The following SNU13 variants were observed in gnomAD, a reference collection of about 807,000 sequenced individuals.
SNU13 encodes NHP2-like protein 1.
Under a neutral mutation model 12.4 loss-of-function variants are expected in SNU13, and 2 were observed. The ratio of observed to expected loss-of-function variants is 0.16; its 90% CI spans 0.07 to 0.51. SNU13 has a LOEUF of 0.51. SNU13 is among the 20% of genes least tolerant of loss of function. The probability of loss-of-function intolerance (pLI) is 0.96; values close to 1 mark genes in which losing one functional copy is unlikely to be tolerated. For synonymous variants in SNU13, 68 were observed against 66.5 expected (o/e 1.02, Z -0.11); for missense variants, 66 against 157.8 (o/e 0.42, Z 3.12).
intron 1 of SNU13, chr22:41,687,905 A>T (rs1447773695): frequency 1.3e-5 from 2 of 152,184 alleles, no homozygotes; most frequent in Non-Finnish European, 2.9e-5. Flanking sequence ...TGGAAGCTTC[A>T]AGTTCTAGGC....
At chr22:41,688,667 C>T in intron 1 of SNU13, 127 bp downstream of exon 1, 1 of 1,338,576 alleles carries the variant, frequency 7.5e-7, no homozygotes, top group East Asian at 2.5e-5. Flanking sequence ...ACTAAGGGCC[C>T]GGCGGTTAAG....
At position 41,674,132 on chromosome 22, in the gene SNU13, A is replaced by G. The variant is rs1601566792; in HGVS notation, c.*801T>C. On this transcript the variant is annotated 3_prime_UTR_variant, in exon 3 of 3. Transcript: ENST00000401959. The stretch of plus-strand genomic sequence containing the variant: ...ACAGGCTGTTTCCTTGGACTCCACC[A>G]TCTCTGTTACAGCTACCAGCCAGGT... The G allele has an allele frequency of 2.6e-5, 4 of 152,324 alleles. No homozygotes were observed. The highest frequency in any genetic ancestry group is 1.3e-4 in the Admixed American group (2 of 15,262). 9.4% of individuals were successfully genotyped at this position (152,324 alleles called of 1,614,324 possible).
intron 1 of SNU13, among the ~76,000 whole-genome samples, chr22:41,681,910 T>C (rs994175516): frequency 6.6e-6 from 1 of 152,094 alleles, no homozygotes; most frequent in Non-Finnish European, 1.5e-5. Context: ...GTAGGGAGCA[T>C]ATTGGGTGAG....
chr22:41,681,641 T>C (rs1412158121), intron 1 of SNU13: 1 of 152,298 alleles, frequency 6.6e-6, no homozygotes, highest in African/African-American at 2.4e-5. Flanking sequence ...TTTGCAGTTA[T>C]GTTAAAAATT....
chr22:41,682,698 A>T, intron 1 of SNU13: 4 of 582,300 alleles, frequency 6.9e-6, no homozygotes, highest in Non-Finnish European at 1.0e-5. Flanking sequence ...TTATTTATTT[A>T]GAGACGGAGT....
At position 41,680,404 on chromosome 22, in the gene SNU13, G is replaced by T. The variant is rs371403664; in HGVS notation, c.4-40C>A. The T allele has an allele frequency of 6.9e-6, 11 of 1,587,656 alleles. No homozygotes were observed. The South Asian group carries it at 1.1e-4, about 16-fold the overall frequency. On this transcript the variant is annotated intron_variant, in intron 1 of 2. Coordinates refer to ENST00000401959, the MANE Select transcript of SNU13 (RefSeq NM_001003796.2). ...TAAAAATATCAGACAAATTGAGCCA[G>T]AAGTTTTCCTACCTGAGTCACAAAA... is the stretch of plus-strand genomic sequence containing the variant.
intron 1 of SNU13, among the ~76,000 whole-genome samples, chr22:41,680,692 T>C (rs1601572199): frequency 6.6e-6 from 1 of 152,218 alleles, no homozygotes; most frequent in East Asian, 1.9e-4. Flanking sequence ...CCATGGCTAA[T>C]CCATTTCTGT....
At chr22:41,678,974 G>C (rs1318315578) in intron 2 of SNU13, among the ~76,000 whole-genome samples, 2 of 152,210 alleles carry the variant, frequency 1.3e-5, no homozygotes, top group African/African-American at 2.4e-5. Context: ...GAGTATTCTG[G>C]CTGGGCATGG....
At chr22:41,680,220 C>T in intron 2 of SNU13, 24 bp downstream of exon 2, 3 of 1,602,978 alleles carry the variant, frequency 1.9e-6, no homozygotes, top group Non-Finnish European at 2.6e-6. Flanking sequence ...AACATTCCCC[C>T]AGAGCATCCT....
chr22:41,688,767 G>T (rs370244196), intron 1 of SNU13, 27 bp downstream of exon 1: 18 of 1,597,784 alleles, frequency 1.1e-5, no homozygotes, highest in East Asian at 9.0e-5. Context: ...CCCGCTTCCC[G>T]GTCCCTCGGC....
At chr22:41,681,788 T>G (rs1032610106) in intron 1 of SNU13, among the ~76,000 whole-genome samples, 3 of 152,172 alleles carry the variant, frequency 2.0e-5, no homozygotes, top group African/African-American at 7.2e-5. Context: ...TGACGCAGAA[T>G]AGCTTGAACC....
At chr22:41,680,406 A>G (rs2285125) in intron 1 of SNU13, 42 bp from the exon 2 acceptor site, 1 of 1,587,508 alleles carries the variant, frequency 6.3e-7, no homozygotes, top group South Asian at 1.1e-5. Flanking sequence ...TTGAGCCAGA[A>G]GTTTTCCTAC....
At chr22:41,675,500 C>T (rs1239996386) in intron 2 of SNU13, among the ~76,000 whole-genome samples, 1 of 151,930 alleles carries the variant, frequency 6.6e-6, no homozygotes, top group Non-Finnish European at 1.5e-5. Flanking sequence ...TGGCTCACTT[C>T]AACCTCCGCT....
At position 41,688,864 on chromosome 22, in the gene SNU13, A is replaced by C; in HGVS notation, c.-68T>G. The C allele has an allele frequency of 6.5e-7, 1 of 1,528,572 alleles. No individual in the cohort carries two copies. Among genetic ancestry groups the C allele is most frequent in the Non-Finnish European group, 8.9e-7 (1 of 1,129,172 alleles). The allele number at this position is 1,528,572 out of a possible 1,614,324, so 94.7% of individuals were successfully genotyped here. ...TGACGTTTCAGAAGCACTCGCGTGCACCGGAAAAACTCACAGAAGCAGCAG... is the reference window on the plus strand; with the variant it reads ...TGACGTTTCAGAAGCACTCGCGTGCCCCGGAAAAACTCACAGAAGCAGCAG... On this transcript the variant is annotated 5_prime_UTR_variant, in exon 1 of 3. Coordinates refer to ENST00000401959, the MANE Select transcript of SNU13 (RefSeq NM_001003796.2).
intron 2 of SNU13, among the ~76,000 whole-genome samples, chr22:41,676,529 T>G (rs2068215929): frequency 1.4e-5 from 1 of 70,414 alleles, no homozygotes; most frequent in Non-Finnish European, 4.0e-5. Context: ...TTTAACCTAA[T>G]TCTTTTTTTT....
At position 41,688,829 on chromosome 22, in the gene SNU13, G is replaced by T. The variant is rs745722505; in HGVS notation, c.-33C>A. 1.9e-6 allele frequency: 3 copies of T among 1,578,656 alleles called. No individual in the cohort carries two copies. The highest frequency in any genetic ancestry group is 2.6e-6 in the Non-Finnish European group (3 of 1,155,358). ...GTTCCGCGGGCTCAGCACTCCTAGG[G>T]GAGCGCAGCTGACGTTTCAGAAGCA... On this transcript the variant is annotated 5_prime_UTR_variant, in exon 1 of 3. Transcript: ENST00000401959.
At chr22:41,688,910 A>C (rs1035072505), upstream of SNU13, 4 of 1,464,798 alleles carry the variant, frequency 2.7e-6, no homozygotes, top group Non-Finnish European at 3.6e-6. Flanking sequence ...CCCGCGCGGC[A>C]GGAAGCGAAG....
At chr22:41,687,150 G>C (rs1025051678) in intron 1 of SNU13, among the ~76,000 whole-genome samples, 1 of 150,156 alleles carries the variant, frequency 6.7e-6, no homozygotes, top group African/African-American at 2.5e-5. Context: ...GTAGAAACAG[G>C]GTTTCACTAT....
chr22:41,689,487 G>T (rs974444446), upstream of SNU13, among the ~76,000 whole-genome samples: 1 of 144,352 alleles, frequency 6.9e-6, no homozygotes, highest in African/African-American at 2.6e-5. Context: ...GGCTAACACA[G>T]TGAACCGTCT....
Sources: gnomAD v4.1 joint callset for allele counts (sites outside exome capture counted in the v4.1 genomes callset) on GRCh38, gnomAD v4.1.1 for gene constraint, MANE v1.5 for transcripts, NCBI Gene and HGNC (gene_info 2026-07-23, HGNC 2026-07-21) for gene names.